TRRAP: variants seen among roughly 807,000 people sequenced by gnomAD.
The protein encoded by TRRAP is transformation/transcription domain associated protein.
TRRAP carries 41 observed loss-of-function variants against 438.8 expected under a neutral mutation model. The observed-to-expected ratio is 0.09, with a 90% confidence interval of 0.07 to 0.12. The LOEUF is 0.12. TRRAP is among the 10% of genes least tolerant of loss of function. TRRAP has a pLI of 1.00. For missense variants in TRRAP, 3,122 were observed against 5,055.1 expected, an observed-to-expected ratio of 0.62 and a Z score of 11.60; for synonymous variants, 1,994 against 1,962.9, an observed-to-expected ratio of 1.02 and a Z score of -0.42.
intron 3 of TRRAP, among the ~76,000 whole-genome samples, chr7:98,882,399 G>A (rs1460030177): frequency 7.7e-6 from 1 of 129,324 alleles, no homozygotes; most frequent in East Asian, 2.2e-4. Flanking sequence ...TTTCGCTCTT[G>A]TCGCCCAGGC....
Position 99,005,248 on chromosome 7 carries a change from A to C in TRRAP, c.10653A>C (p.Thr3551=). The change falls in exon 69 of 73, where the codon ACA becomes ACC. Residue 3551 remains threonine, a synonymous_variant. Coordinates refer to ENST00000456197, the MANE Select transcript of TRRAP (RefSeq NM_001375524.1). This position sits in a 1 kb window ranked among gnomAD's most constrained non-coding sequence, Gnocchi z 5.1. The part of the protein sequence containing the change: ...PYLVMNDACL[T]ESRREERVLQ... ...TCGTCATGAACGACGCCTGCCTCAC[A>C]GAGTCACGGCGAGAGGAGCGTGTGT... 2.5e-6 allele frequency: 4 copies of C among 1,614,220 alleles called. No homozygotes were observed. Among genetic ancestry groups the C allele is most frequent in the Non-Finnish European group, 3.4e-6 (4 of 1,180,046 alleles).
At chr7:98,882,113 A>G (rs1308551615) in intron 3 of TRRAP, 89 bp downstream of exon 3, 2 of 1,084,586 alleles carry the variant, frequency 1.8e-6, no homozygotes, top group Non-Finnish European at 2.7e-6. Context: ...TTTACTAGCA[A>G]CTCAAAGATC....
At chr7:98,951,536 G>T (rs1791338239) in intron 39 of TRRAP, among the ~76,000 whole-genome samples, 2 of 152,142 alleles carry the variant, frequency 1.3e-5, no homozygotes, top group African/African-American at 4.8e-5. Context: ...TGAATTAAAT[G>T]CCTGCATCAT....
At chr7:98,980,709 T>C (rs1792877781) in intron 58 of TRRAP, among the ~76,000 whole-genome samples, 2 of 152,228 alleles carry the variant, frequency 1.3e-5, no homozygotes, top group African/African-American at 4.8e-5. Flanking sequence ...AATTAACACC[T>C]GAACGGTTTA....
At position 98,993,464 on chromosome 7, in the gene TRRAP, G is replaced by T; in HGVS notation, c.9848-74G>T. 1 of 1,510,534 alleles carries T rather than the reference G, an allele frequency of 6.6e-7. No homozygotes were observed. The highest frequency in any genetic ancestry group is 9.0e-7 in the Non-Finnish European group (1 of 1,115,436). The allele number at this position is 1,510,534 out of a possible 1,614,324, so 93.6% of individuals were successfully genotyped here. A position where few individuals can be genotyped will look rare whatever the true frequency, so the allele number is the denominator to read the frequency against. ...AGGAACCAGCGCTCCTTTGGCCCAT[G>T]GGTCCTGCAGCGCTCCGAGCCCTGG... On this transcript the variant is annotated intron_variant, in intron 65 of 72. Transcript: ENST00000456197.
At chr7:98,992,115 A>G (rs765584621) in intron 64 of TRRAP, 22 bp from the exon 65 acceptor site, 3 of 1,613,122 alleles carry the variant, frequency 1.9e-6, no homozygotes, top group Non-Finnish European at 2.5e-6. Context: ...AGCACTGTTT[A>G]TAACATCTTG....
At position 98,886,444 on chromosome 7, in the gene TRRAP, C is replaced by T. The variant is rs919240846; in HGVS notation, c.151-3891C>T. On this transcript the variant is annotated intron_variant, in intron 3 of 72. Transcript: ENST00000456197. ...TGGATATCTAGAGAGATATAGATAT[C>T]TAGATAGATATAGATATCTAGAGAG... Among the ~76,000 whole-genome samples, 96 of 142,144 alleles carry T rather than the reference C, an allele frequency of 6.8e-4. 1 individual carries two copies. The highest frequency in any genetic ancestry group is 2.4e-3 in the African/African-American group (91 of 38,614). 93.3% of individuals were successfully genotyped at this position (142,144 alleles called of 152,430 possible). A position where few individuals can be genotyped will look rare whatever the true frequency, so the allele number is the denominator to read the frequency against.
Position 98,908,685 on chromosome 7 carries a change from T to C in TRRAP, c.1116-43T>C, listed in dbSNP as rs1554407921. 2.0e-6 allele frequency: 3 copies of C among 1,522,268 alleles called. No homozygotes were observed. Among genetic ancestry groups the C allele is most frequent in the Non-Finnish European group, 2.6e-6 (3 of 1,132,466 alleles). 94.3% of individuals were successfully genotyped at this position (1,522,268 alleles called of 1,614,324 possible). On this transcript the variant is annotated intron_variant, in intron 13 of 72. Coordinates refer to ENST00000456197, the MANE Select transcript of TRRAP (RefSeq NM_001375524.1). This position sits in a 1 kb window ranked among gnomAD's most constrained non-coding sequence, Gnocchi z 4.1. The stretch of plus-strand genomic sequence containing the variant: ...CCTTGGTGGCCTGCTGCAGCAGGCA[T>C]GGCCACGTGGGAATGAGCACTAGTC...
In TRRAP at chr7:98,961,398, A is replaced by T. The variant is rs1014258526; in HGVS notation, c.6627A>T (p.Thr2209=). The T allele has an allele frequency of 1.9e-6, 3 of 1,614,092 alleles. No homozygotes were observed. Among genetic ancestry groups the T allele is most frequent in the African/African-American group, 2.7e-5 (2 of 74,932 alleles). ...AGCGTGGAATTGCCGCCTGCATGAC[A>T]TGTGGAAACACCAAGGTGTTGCGAG... ...PLQRGIAACM[T]CGNTKVLRAV... is the part of the protein sequence containing the mutation. Residue 2209 remains threonine (T), a synonymous_variant, in exon 46 of 73, where the codon ACA becomes ACT. Transcript: ENST00000456197.
chr7:98,882,133 GTTCA>G, intron 3 of TRRAP, 109 bp downstream of exon 3: 6 of 958,768 alleles, frequency 6.3e-6, no homozygotes, highest in South Asian at 1.7e-5. Context: ...CATTGTCTTT[GTTCA>G]AGTAATTTAG....
chr7:98,964,080 T>TAA (rs532793958), intron 47 of TRRAP, among the ~76,000 whole-genome samples: 19 of 118,796 alleles, frequency 1.6e-4, no homozygotes, highest in African/African-American at 1.9e-4. Flanking sequence ...GACTCGACAT[T>TAA]AAAAAAAAAA....
At chr7:98,920,568 A>G (rs958286810) in intron 20 of TRRAP, among the ~76,000 whole-genome samples, 3 of 152,198 alleles carry the variant, frequency 2.0e-5, no homozygotes, top group Middle Eastern at 3.4e-3. Context: ...GGAAATTTAC[A>G]GTTTTTTGCG....
In TRRAP at chr7:98,910,313, A is replaced by G. The variant is rs929955700; in HGVS notation, c.1608A>G (p.Glu536=). ...AGAAGCAAGGAGAAAAGGACAAGGA[A>G]GACAAGCAGACATTCCAAGTCACAG... The part of the protein sequence containing the change: ...PFEKQGEKDK[E]DKQTFQVTDC... The change falls in exon 15 of 73, where the codon GAA becomes GAG. Residue 536 remains glutamate (E), a synonymous_variant. Transcript: ENST00000456197. The G allele has an allele frequency of 6.2e-7, 1 of 1,609,718 alleles. No individual in the cohort carries two copies. The highest frequency in any genetic ancestry group is 1.1e-5 in the South Asian group (1 of 91,034).
chr7:98,927,220 A>T lies in TRRAP; in HGVS notation c.3029A>T (p.Gln1010Leu). The T allele has an allele frequency of 6.2e-7, 1 of 1,614,250 alleles. No individual in the cohort carries two copies. Residue 1010 changes from glutamine (Q) to leucine (L), a missense_variant, in exon 23 of 73, where the codon CAG becomes CTG. Physicochemically the swap from Gln to Leu is moderately radical, Grantham distance 113. Coordinates refer to ENST00000456197, the MANE Select transcript of TRRAP (RefSeq NM_001375524.1). ...NVIISHRYKA[Q>L]DTPARKTFEQ... Reference sequence around the variant, plus strand: ...ATCATCTCACATCGCTACAAAGCCCAGGACACTCCAGCCCGGAAGACTTTT... The same window carrying T: ...ATCATCTCACATCGCTACAAAGCCCTGGACACTCCAGCCCGGAAGACTTTT...
At chr7:98,926,758 A>G (rs1201940309) in intron 22 of TRRAP, among the ~76,000 whole-genome samples, 1 of 151,948 alleles carries the variant, frequency 6.6e-6, no homozygotes, top group African/African-American at 2.4e-5. Context: ...TAATCCCAGC[A>G]CTTTGGGAGG....
chr7:98,959,642 C>T (rs1193485097), intron 45 of TRRAP, 152 bp downstream of exon 45: 2 of 1,108,452 alleles, frequency 1.8e-6, no homozygotes, highest in African/African-American at 3.2e-5. Flanking sequence ...TGGCCTCTCC[C>T]ACATTGGCCT....
At position 99,012,142 on chromosome 7, in the gene TRRAP, G is replaced by A. The variant is rs141285775; in HGVS notation, c.11409G>A (p.Thr3803=). The part of the protein sequence containing the change: ...IAWHKKTQED[T]SSPLSAAGQP... ...GGCACAAAAAAACACAAGAGGACAC[G>A]TCCTCTCCTCTCTCGGCCGCCGGGC... is the stretch of plus-strand genomic sequence containing the variant. Residue 3803 remains threonine, a synonymous_variant, in exon 73 of 73, where the codon ACG becomes ACA. Transcript: ENST00000456197. The surrounding 1 kb of genome is among the most constrained non-coding windows in gnomAD (Gnocchi z 5.9). 1.0e-4 allele frequency: 166 copies of A among 1,614,082 alleles called. No homozygotes were observed. Among genetic ancestry groups the A allele is most frequent in the Non-Finnish European group, 1.4e-4 (162 of 1,180,048 alleles).
Position 98,930,122 on chromosome 7 carries a change from A to G in TRRAP, c.3309A>G (p.Glu1103=). 6.2e-7 allele frequency: 1 copy of G among 1,614,232 alleles called. No homozygotes were observed. The highest frequency in any genetic ancestry group is 8.5e-7 in the Non-Finnish European group (1 of 1,180,048). ...IDAIAICMAY[E]EKELCKIGEV... Reference sequence around the variant, plus strand: ...CAATTGCTATTTGTATGGCATATGAAGAAAAGGAGCTTTGCAAAATCGGGG... The same window carrying G: ...CAATTGCTATTTGTATGGCATATGAGGAAAAGGAGCTTTGCAAAATCGGGG... The change falls in exon 24 of 73, where the codon GAA becomes GAG. Residue 1103 remains glutamate (E), a synonymous_variant. Transcript: ENST00000456197.
At chr7:98,934,115 G>A (rs1383832106) in intron 27 of TRRAP, among the ~76,000 whole-genome samples, 3 of 152,172 alleles carry the variant, frequency 2.0e-5, no homozygotes, top group East Asian at 1.9e-4. Flanking sequence ...GGTGCTATTA[G>A]TCTGACAAAC....
Sources: allele counts gnomAD v4.1 joint callset (sites outside exome capture counted in the v4.1 genomes callset), GRCh38; gene constraint gnomAD v4.1.1; non-coding constraint Gnocchi (gnomAD v3.1); transcripts MANE v1.5; gene names NCBI Gene and HGNC (gene_info 2026-07-23, HGNC 2026-07-21).